WDR59: variants seen among roughly 807,000 people sequenced by gnomAD.
The protein encoded by WDR59 is GATOR2 complex protein WDR59.
Under a neutral mutation model 131.2 loss-of-function variants are expected in WDR59, and 100 were observed. The ratio of observed to expected loss-of-function variants is 0.76; its 90% CI spans 0.65 to 0.90. WDR59 has a LOEUF of 0.90. WDR59 is among the 40% of genes least tolerant of loss of function. The pLI is 0.00. For synonymous variants in WDR59, 601 were observed against 466.2 expected (o/e 1.29, Z -3.72); for missense variants, 1,203 against 1,262.2 (o/e 0.95, Z 0.71).
chr16:74,908,829 A>T, intron 17 of WDR59, 79 bp downstream of exon 17: 1 of 1,224,538 alleles, frequency 8.2e-7, no homozygotes, highest in Non-Finnish European at 1.2e-6. Context: ...TCCAAAAGCA[A>T]ACTCAGTGGT....
chr16:74,972,768 G>A (rs1227462785), intron 1 of WDR59, among the ~76,000 whole-genome samples: 2 of 141,820 alleles, frequency 1.4e-5, no homozygotes, highest in Non-Finnish European at 3.0e-5. Flanking sequence ...ATTGCAGTGA[G>A]CCGAGATGGA....
At chr16:74,951,690 G>A in intron 3 of WDR59, 147 bp from the exon 4 acceptor site, 1 of 690,290 alleles carries the variant, frequency 1.4e-6, no homozygotes, top group Non-Finnish European at 2.6e-6. Context: ...AAGCCATCAG[G>A]AATAAGTACA....
At chr16:74,883,022 T>G (rs1045160385) in intron 25 of WDR59, among the ~76,000 whole-genome samples, 5 of 128,222 alleles carry the variant, frequency 3.9e-5, no homozygotes, top group Non-Finnish European at 8.3e-5. Context: ...GTTTTTTGCT[T>G]TTTTTTTTTT....
chr16:74,888,108 A>G, intron 22 of WDR59, 61 bp downstream of exon 22: 13 of 1,492,782 alleles, frequency 8.7e-6, no homozygotes, highest in Non-Finnish European at 1.2e-5. Context: ...ACAAAGTAAA[A>G]CTCCGTCTCA....
At chr16:74,958,620 A>AAAAAAAAAAAAAC (rs1199806175) in intron 2 of WDR59, among the ~76,000 whole-genome samples, 2 of 141,044 alleles carry the variant, frequency 1.4e-5, no homozygotes, top group African/African-American at 2.6e-5. Context: ...AAAAAAAAAA[A>AAAAAAAAAAAAAC]CAAGCTAAAT....
rs762288713 is a variant in WDR59, at chr16:74,906,313, C to CAAA, written c.1713-2216_1713-2214dup. On this transcript the variant is annotated intron_variant, in intron 17 of 25. Coordinates refer to ENST00000262144, the MANE Select transcript of WDR59 (RefSeq NM_030581.4). ...TGAGCGACAGAGCAAGACTCCGTCT[C>CAAA]AAAAAAAAAAAAACCCACAGTGAGA... Among the ~76,000 whole-genome samples, 85 of 32,464 alleles carry CAAA rather than the reference C, an allele frequency of 2.6e-3. 22 individuals carry two copies. In the East Asian group the frequency reaches 0.13, roughly 48 times the overall value. 21.3% of individuals were successfully genotyped at this position (32,464 alleles called of 152,430 possible).
chr16:74,982,914 C>A (rs1176902489), intron 1 of WDR59, among the ~76,000 whole-genome samples: 1 of 152,212 alleles, frequency 6.6e-6, no homozygotes, highest in Non-Finnish European at 1.5e-5. Context: ...TCATACTTAT[C>A]CAGATCTCCC....
At chr16:74,938,003 ATT>A (rs2145078870) in intron 8 of WDR59, 145 bp downstream of exon 8, 2 of 537,150 alleles carry the variant, frequency 3.7e-6, no homozygotes, top group South Asian at 8.8e-5. Flanking sequence ...GCATAACCAA[ATT>A]TATGTGTTCA....
intron 1 of WDR59, among the ~76,000 whole-genome samples, chr16:74,971,107 A>T (rs748683434): frequency 6.6e-6 from 1 of 152,146 alleles, no homozygotes; most frequent in South Asian, 2.1e-4. Context: ...AGGTCCTTCC[A>T]GCTCACAATG....
chr16:74,974,630 C>T (rs890629853), intron 1 of WDR59, among the ~76,000 whole-genome samples: 7 of 152,072 alleles, frequency 4.6e-5, no homozygotes, highest in African/African-American at 1.7e-4. Flanking sequence ...AGTAAGAGAG[C>T]CTCCCTGTGC....
rs1244683017 is a variant in WDR59 at position 74,953,797 on chromosome 16, C to T, written c.241-2254G>A. Among the ~76,000 whole-genome samples, 4 of 150,904 alleles carry T rather than the reference C, an allele frequency of 2.7e-5. No homozygotes were observed. The South Asian group carries it at 6.3e-4, about 24-fold the overall frequency. ...CAGGCGGATCATGAGGTGAGGAGATCGAGACCATCCTGGCTAACAGGGCGA... is the reference window on the plus strand; with the variant it reads ...CAGGCGGATCATGAGGTGAGGAGATTGAGACCATCCTGGCTAACAGGGCGA... On this transcript the variant is annotated intron_variant, in intron 3 of 25. Transcript: ENST00000262144.
chr16:74,955,428 C>T (rs954585709), intron 3 of WDR59, among the ~76,000 whole-genome samples: 2 of 151,932 alleles, frequency 1.3e-5, no homozygotes, highest in African/African-American at 4.8e-5. Context: ...GATCAGGGGC[C>T]GAGGGTGAGA....
chr16:74,958,592 C>CAAAAAAAAA (rs747175030), intron 2 of WDR59, among the ~76,000 whole-genome samples: 388 of 13,228 alleles, frequency 0.029, 87 homozygotes, highest in East Asian at 0.15. Context: ...GACTCCATCT[C>CAAAAAAAAA]AAAAAAAAAA....
chr16:74,906,313 C>CA lies in WDR59; in HGVS notation c.1713-2214dup, dbSNP rs762288713. On this transcript the variant is annotated intron_variant, in intron 17 of 25. Coordinates refer to ENST00000262144, the MANE Select transcript of WDR59 (RefSeq NM_030581.4). Reference sequence around the variant, plus strand: ...TGAGCGACAGAGCAAGACTCCGTCTCAAAAAAAAAAAAACCCACAGTGAGA... The same window carrying CA: ...TGAGCGACAGAGCAAGACTCCGTCTCAAAAAAAAAAAAAACCCACAGTGAGA... Among the ~76,000 whole-genome samples, 11 of 32,460 alleles carry CA rather than the reference C, an allele frequency of 3.4e-4. 1 individual carries two copies. Among genetic ancestry groups the CA allele is most frequent in the South Asian group, 1.9e-3 (1 of 520 alleles). The allele number at this position is 32,460 out of a possible 152,430, so 21.3% of individuals were successfully genotyped here. A position where few individuals can be genotyped will look rare whatever the true frequency, so the allele number is the denominator to read the frequency against.
chr16:74,984,861 G>A (rs1597836971), intron 1 of WDR59, 103 bp downstream of exon 1: 2 of 1,514,628 alleles, frequency 1.3e-6, no homozygotes, highest in African/African-American at 1.4e-5. Context: ...TCAGTACGGG[G>A]CCTAGGGTCT....
At chr16:74,948,705 A>G (rs2032804007) in intron 5 of WDR59, 149 bp from the exon 6 acceptor site, 3 of 716,792 alleles carry the variant, frequency 4.2e-6, no homozygotes, top group Non-Finnish European at 7.4e-6. Context: ...AAAGAAGTCT[A>G]AAGAGAGACC....
intron 1 of WDR59, among the ~76,000 whole-genome samples, chr16:74,978,419 A>T (rs545041995): frequency 3.0e-4 from 45 of 152,040 alleles, no homozygotes; most frequent in African/African-American, 1.1e-3. Context: ...TGAGCCCAGG[A>T]GCTGGAGGCT....
chr16:74,913,813 G>T (rs181545871), intron 13 of WDR59, among the ~76,000 whole-genome samples: 4 of 152,304 alleles, frequency 2.6e-5, no homozygotes, highest in Admixed American at 1.3e-4. Flanking sequence ...TGGGTATGGG[G>T]TTTCTTCTGG....
intron 2 of WDR59, among the ~76,000 whole-genome samples, chr16:74,963,754 AT>A (rs1004891531): frequency 5.9e-5 from 9 of 152,008 alleles, no homozygotes; most frequent in South Asian, 4.1e-4. Flanking sequence ...ATTAAATTAA[AT>A]TTTTTTTAAA....
Sources: gnomAD v4.1 joint callset for allele counts (sites outside exome capture counted in the v4.1 genomes callset) on GRCh38, gnomAD v4.1.1 for gene constraint, MANE v1.5 for transcripts, NCBI Gene and HGNC (gene_info 2026-07-23, HGNC 2026-07-21) for gene names.